UBR4: variants seen among roughly 807,000 people sequenced by gnomAD.
The protein encoded by UBR4 is E3 ubiquitin-protein ligase UBR4.
In UBR4, 124 loss-of-function variants were observed where a neutral mutation model predicts 575.6. The ratio of observed to expected loss-of-function variants is 0.22; its 90% CI spans 0.19 to 0.25. The LOEUF (loss-of-function observed/expected upper bound fraction) is 0.25, where lower values mean the gene tolerates loss of function less well. UBR4 is among the 10% of genes least tolerant of loss of function. UBR4 has a pLI of 1.00. For synonymous variants in UBR4, 2,455 were observed against 2,473.7 expected (o/e 0.99, Z 0.22); for missense variants, 4,818 against 6,478.8 (o/e 0.74, Z 8.80).
At chr1:19,134,277 TA>T (rs1469876549) in intron 60 of UBR4, among the ~76,000 whole-genome samples, 2 of 142,134 alleles carry the variant, frequency 1.4e-5, no homozygotes, top group Admixed American at 6.9e-5. Context: ...TAAATAAAAA[TA>T]AATAAAAATA....
chr1:19,132,846 C>T (rs1263693499), intron 60 of UBR4, among the ~76,000 whole-genome samples: 18 of 151,886 alleles, frequency 1.2e-4, no homozygotes, highest in Admixed American at 1.2e-3. Flanking sequence ...CAGGCTCACG[C>T]CAGTAAAACT....
In UBR4 at chr1:19,173,233, C is replaced by T. The variant is rs1200574154; in HGVS notation, c.3239G>A (p.Cys1080Tyr). The T allele has an allele frequency of 6.2e-7, 1 of 1,614,202 alleles. No homozygotes were observed. The highest frequency in any genetic ancestry group is 8.5e-7 in the Non-Finnish European group (1 of 1,180,022). Reference sequence around the variant, plus strand: ...TTCAACATCATATTTCACTGAGCTACACTTAGTGGTGGATGCCAGTTCTAG... The same window carrying T: ...TTCAACATCATATTTCACTGAGCTATACTTAGTGGTGGATGCCAGTTCTAG... ...SLLELASTTK[C>Y]SSVKYDVEIV... Residue 1080 changes from cysteine to tyrosine, a missense_variant, in exon 24 of 106, where the codon TGT (cysteine) becomes TAT (tyrosine). Physicochemically the swap from Cys to Tyr is radical, Grantham distance 194 (BLOSUM62 -2). This residue lies in a region of UBR4 where 1,172 missense variants were observed against 1,259.7 expected (regional missense o/e 0.93). Transcript: ENST00000375254.
At chr1:19,105,668 C>CA in intron 84 of UBR4, 65 bp downstream of exon 84, 1 of 1,242,696 alleles carries the variant, frequency 8.0e-7, no homozygotes. Flanking sequence ...ATGGATTCCC[C>CA]GGGGAAGATG....
Position 19,126,560 on chromosome 1 carries a change from A to G in UBR4, c.9324T>C (p.Tyr3108=). Residue 3108 remains tyrosine, a synonymous_variant, in exon 64 of 106, where the codon TAT becomes TAC. Transcript: ENST00000375254. ...CCTCGTCATTCTGTTGGCTCTTCCA[A>G]TATTCCAGCAGTGATTTGAGCACGT... ...CLHVLKSLLE[Y]WKSQQNDEEP... The G allele has an allele frequency of 1.2e-6, 2 of 1,614,206 alleles. No individual in the cohort carries two copies. Among genetic ancestry groups the G allele is most frequent in the Middle Eastern group, 1.7e-4 (1 of 6,056 alleles).
At chr1:19,099,967 T>C (rs1325695275) in intron 89 of UBR4, 2 of 446,284 alleles carry the variant, frequency 4.5e-6, no homozygotes, top group African/African-American at 4.0e-5. Context: ...TTTCACTATG[T>C]AAAAATGTCA....
intron 85 of UBR4, 92 bp downstream of exon 85, chr1:19,104,956 A>AAAAC: frequency 5.3e-6 from 8 of 1,521,216 alleles, no homozygotes; most frequent in Non-Finnish European, 7.1e-6. Context: ...CTTCTCAGCA[A>AAAAC]AAACAAACAA....
chr1:19,176,142 G>A (rs1427530565), intron 20 of UBR4, among the ~76,000 whole-genome samples: 1 of 148,436 alleles, frequency 6.7e-6, no homozygotes, highest in African/African-American at 2.5e-5. Flanking sequence ...AGGCTGGAGT[G>A]CAGTGGTGCA....
chr1:19,095,163 T>C, intron 93 of UBR4, 138 bp from the exon 94 acceptor site: 1 of 1,267,936 alleles, frequency 7.9e-7, no homozygotes, highest in Non-Finnish European at 1.1e-6. Context: ...TGTATGTGCG[T>C]GTATATGCAT....
chr1:19,110,014 TGAG>T lies in UBR4; in HGVS notation c.12105+79_12105+81del. 6.3e-7 allele frequency: 1 copy of T among 1,593,158 alleles called. No homozygotes were observed. The highest frequency in any genetic ancestry group is 1.1e-5 in the South Asian group (1 of 87,806). Reference sequence around the variant, plus strand: ...TGGGCTCAAGGCAAAGCGGAGACCATGAGGAGGCAGGGCACACTGCCAGGGAAT... The same window carrying T: ...TGGGCTCAAGGCAAAGCGGAGACCATGAGGCAGGGCACACTGCCAGGGAAT... On this transcript the variant is annotated intron_variant, in intron 81 of 105. Transcript: ENST00000375254. The surrounding 1 kb of genome is among the most constrained non-coding windows in gnomAD (Gnocchi z 4.5).
chr1:19,127,738 T>C lies in UBR4; in HGVS notation c.9113A>G (p.Asp3038Gly). The change falls in exon 63 of 106, where the codon GAT (aspartate) becomes GGT (glycine). Residue 3038 changes from aspartate to glycine, a missense_variant and splice_region_variant. Asp to Gly is a moderately conservative substitution (Grantham distance 94). Coordinates refer to ENST00000375254, the MANE Select transcript of UBR4 (RefSeq NM_020765.3). ...LIAELGMDKK[D>G]VSKKNERSAL... ...GCTGCGCTCATTCTTCTTGGAGACA[T>C]CCTGCAGGCCAAAGCGTAAGTCCAG... is the stretch of plus-strand genomic sequence containing the variant. The C allele has an allele frequency of 1.2e-6, 2 of 1,613,596 alleles. No homozygotes were observed. Among genetic ancestry groups the C allele is most frequent in the Non-Finnish European group, 1.7e-6 (2 of 1,179,560 alleles).
intron 55 of UBR4, 24 bp from the exon 56 acceptor site, chr1:19,141,801 C>G (rs1274066802): frequency 6.2e-7 from 1 of 1,611,868 alleles, no homozygotes; most frequent in Non-Finnish European, 8.5e-7. Context: ...ACCCCAGTCA[C>G]CTGAAGGTGC....
chr1:19,164,171 G>A, intron 33 of UBR4, 82 bp downstream of exon 33: 3 of 1,467,226 alleles, frequency 2.0e-6, no homozygotes, highest in Non-Finnish European at 2.7e-6. Flanking sequence ...AATTTCTTCT[G>A]TACTCACTTT....
Position 19,148,131 on chromosome 1 carries a change from A to T in UBR4, c.7495-4T>A, listed in dbSNP as rs772257056. 6.2e-7 allele frequency: 1 copy of T among 1,603,752 alleles called. No individual in the cohort carries two copies. The highest frequency in any genetic ancestry group is 8.5e-7 in the Non-Finnish European group (1 of 1,177,530). On this transcript the variant is annotated splice_polypyrimidine_tract_variant and splice_region_variant and intron_variant, in intron 50 of 105. Transcript: ENST00000375254. ...GAGCAGCATTCTTGTTTCTCTCCTA[A>T]GGCAAAAGACAGCAGGGTTATCACT...
At position 19,176,661 on chromosome 1, in the gene UBR4, G is replaced by C. The variant is rs1331023006; in HGVS notation, c.2704C>G (p.Arg902Gly). ...CCATGATAGAGAGGAGTGGTTGCCC[G>C]GCGGCTGTTGCTGTCCTGGGATCCA... ...ASGSQDSNSRRATTPLYHGFK... is the reference protein window; with the variant it reads ...ASGSQDSNSRGATTPLYHGFK... The change falls in exon 20 of 106, where the codon CGG (arginine) becomes GGG (glycine). Residue 902 changes from arginine (R) to glycine (G), a missense_variant. Around this residue, in one of 29 missense-constraint regions of UBR4, gnomAD observed 1,172 missense variants for 1,259.7 expected, o/e 0.93. Coordinates refer to ENST00000375254, the MANE Select transcript of UBR4 (RefSeq NM_020765.3). 2 of 1,614,064 alleles carry C rather than the reference G, an allele frequency of 1.2e-6. No homozygotes were observed. The highest frequency in any genetic ancestry group is 1.7e-6 in the Non-Finnish European group (2 of 1,180,016).
At chr1:19,142,624 G>A (rs997467157) in intron 55 of UBR4, among the ~76,000 whole-genome samples, 2 of 152,290 alleles carry the variant, frequency 1.3e-5, no homozygotes, top group African/African-American at 2.4e-5. Flanking sequence ...TGACTACTGA[G>A]CACTTAAAAC....
At chr1:19,098,453 A>G (rs2078279830) in intron 90 of UBR4, among the ~76,000 whole-genome samples, 1 of 152,266 alleles carries the variant, frequency 6.6e-6, no homozygotes, top group South Asian at 2.1e-4. Context: ...TCACCATTCA[A>G]GGGAGATACC....
intron 78 of UBR4, 146 bp downstream of exon 78, chr1:19,112,378 T>G: frequency 5.3e-6 from 5 of 938,548 alleles, no homozygotes; most frequent in Non-Finnish European, 7.9e-6. Flanking sequence ...CTACACCCTG[T>G]GTCTCTTTCC....
chr1:19,127,434 C>G (rs942487522), intron 63 of UBR4, among the ~76,000 whole-genome samples, 189 bp downstream of exon 63: 2 of 152,146 alleles, frequency 1.3e-5, no homozygotes, highest in African/African-American at 4.8e-5. Flanking sequence ...TACCAAAGAC[C>G]AGAGCTTGGA....
chr1:19,110,749 G>A lies in UBR4; in HGVS notation c.11885C>T (p.Pro3962Leu). 6.2e-7 allele frequency: 1 copy of A among 1,614,132 alleles called. No individual in the cohort carries two copies. The highest frequency in any genetic ancestry group is 8.5e-7 in the Non-Finnish European group (1 of 1,180,028). The change falls in exon 79 of 106, where the codon CCC (proline) becomes CTC (leucine). Residue 3962 changes from proline (P) to leucine (L), a missense_variant. Around this residue, in one of 29 missense-constraint regions of UBR4, gnomAD observed 333 missense variants for 459.2 expected, o/e 0.73. Transcript: ENST00000375254. The surrounding 1 kb of genome is among the most constrained non-coding windows in gnomAD (Gnocchi z 4.5). Reference protein sequence around the residue: ...STALKGHWANPDLASSLQYEM... With the variant: ...STALKGHWANLDLASSLQYEM... ...CCTGCTAGGCCGGCTCACCAGATCG[G>A]GGTTGGCCCAGTGGCCCTTCAGGGC...
Sources: gnomAD v4.1 joint callset for allele counts (sites outside exome capture counted in the v4.1 genomes callset) on GRCh38, gnomAD v4.1.1 for gene constraint, gnomAD v4.1.1 regional missense constraint, Gnocchi (gnomAD v3.1) non-coding constraint, MANE v1.5 for transcripts, NCBI Gene and HGNC (gene_info 2026-07-23, HGNC 2026-07-21) for gene names.